Variants in TRPM4 observed in about 807,000 individuals in gnomAD.
The protein encoded by TRPM4 is calcium-activated non-selective cation channel 1.
In TRPM4, 124 loss-of-function variants were observed where a neutral mutation model predicts 135.6. That is an observed-to-expected ratio of 0.91 (90% CI 0.79 to 1.06). The LOEUF is 1.06. Ranked by LOEUF, TRPM4 falls within the 50% of genes least tolerant of loss-of-function variation. The pLI, the probability that TRPM4 is intolerant of heterozygous loss-of-function variation, is 0.00. For missense variants in TRPM4, 1,658 were observed against 1,671.4 expected (o/e 0.99, Z 0.14); for synonymous variants, 745 against 705.6 (o/e 1.06, Z -0.88).
intron 2 of TRPM4, among the ~76,000 whole-genome samples, chr19:49,164,683 CTTG>C (rs1967107233): frequency 3.3e-5 from 2 of 60,858 alleles, no homozygotes; most frequent in African/African-American, 1.3e-4. Flanking sequence ...CGCCCGGCCT[CTTG>C]CTTGCTTGCT....
chr19:49,158,600 AT>A, intron 2 of TRPM4: 1 of 279,298 alleles, frequency 3.6e-6, no homozygotes, highest in Admixed American at 4.9e-5. Context: ...TCATTCATTC[AT>A]TCATTCATTC....
Position 49,168,256 on chromosome 19 carries a change from G to A in TRPM4, c.449-4G>A, listed in dbSNP as rs752260449. 1.2e-6 allele frequency: 2 copies of A among 1,614,126 alleles called. No homozygotes were observed. The highest frequency in any genetic ancestry group is 2.2e-5 in the South Asian group (2 of 91,084). On this transcript the variant is annotated splice_polypyrimidine_tract_variant and splice_region_variant and intron_variant, in intron 4 of 24. Transcript: ENST00000252826. The stretch of plus-strand genomic sequence containing the variant: ...CCTCTGCATGTTCCTCGGCGTCTGT[G>A]TAGGAGCCTGGATTGTCACTGGGGG...
Position 49,211,340 on chromosome 19 carries a change from G to A in TRPM4, c.3640+71G>A. ...TATTTTTGCGTGTTTTTCTCTCTCG[G>A]CACCTTTCCAGTGTCCCTGGGTCAC... is the stretch of plus-strand genomic sequence containing the variant. On this transcript the variant is annotated intron_variant, in intron 24 of 24. Transcript: ENST00000252826. This position sits in a 1 kb window ranked among gnomAD's most constrained non-coding sequence, Gnocchi z 4.8. 1 of 1,575,350 alleles carries A rather than the reference G, an allele frequency of 6.3e-7. No individual in the cohort carries two copies. The highest frequency in any genetic ancestry group is 8.7e-7 in the Non-Finnish European group (1 of 1,152,022).
intron 12 of TRPM4, among the ~76,000 whole-genome samples, chr19:49,184,572 T>C (rs1968126556): frequency 6.8e-6 from 1 of 147,896 alleles, no homozygotes; most frequent in South Asian, 2.2e-4. Flanking sequence ...GCCATTCTCC[T>C]GCCTCCACGC....
In TRPM4 at chr19:49,196,738, G is replaced by A. The variant is rs867831248; in HGVS notation, c.2509G>A (p.Gly837Arg). 1.3e-6 allele frequency: 2 copies of A among 1,550,842 alleles called. No homozygotes were observed. Among genetic ancestry groups the A allele is most frequent in the Non-Finnish European group, 1.7e-6 (2 of 1,154,666 alleles). ...EELRQGLSGG[G>R]GSLASGGPGP... ...ACTGCGCCAGGGCCTGAGCGGAGGC[G>A]GGGGCAGCCTCGCCAGCGGGGGCCC... The change falls in exon 17 of 25, where the codon GGG becomes AGG. Residue 837 changes from glycine to arginine, a missense_variant. Physicochemically the swap from Gly to Arg is moderately radical, Grantham distance 125. Transcript: ENST00000252826.
chr19:49,182,125 C>CATCCATCCATCCATCT (rs879711809), intron 10 of TRPM4, among the ~76,000 whole-genome samples: 4 of 135,840 alleles, frequency 2.9e-5, no homozygotes, highest in Non-Finnish European at 3.2e-5. Context: ...TCCATCCATC[C>CATCCATCCATCCATCT]ATCTGTCCAT....
In TRPM4 at chr19:49,203,381, G is replaced by A. The variant is rs373814992; in HGVS notation, c.3131+1240G>A. On this transcript the variant is annotated intron_variant, in intron 20 of 24. Coordinates refer to ENST00000252826, the MANE Select transcript of TRPM4 (RefSeq NM_017636.4). ...TTTTTAGTAGAGATGGGGTTTCACC[G>A]TGTTAGCCAGGATGGTTTCGATCTC... is the stretch of plus-strand genomic sequence containing the variant. Among the ~76,000 whole-genome samples the A allele has an allele frequency of 2.9e-3, 439 of 151,744 alleles. 1 individual carries two copies. Among genetic ancestry groups the A allele is most frequent in the Non-Finnish European group, 3.6e-3 (243 of 67,926 alleles).
At position 49,168,375 on chromosome 19, in the gene TRPM4, G is replaced by T. The variant is rs1967314053; in HGVS notation, c.564G>T (p.Val188=). 1.2e-6 allele frequency: 2 copies of T among 1,613,952 alleles called. No individual in the cohort carries two copies. Among genetic ancestry groups the T allele is most frequent in the Non-Finnish European group, 8.5e-7 (1 of 1,180,028 alleles). ...TGGTKVVAMG[V]APWGVVRNRD... ...GCACCAAGGTGGTGGCCATGGGTGT[G>T]GCCCCCTGGGGTGTGGTCCGGAATA... Residue 188 remains valine (V), a synonymous_variant, in exon 5 of 25, where the codon GTG becomes GTT. Transcript: ENST00000252826.
intron 12 of TRPM4, among the ~76,000 whole-genome samples, chr19:49,186,771 G>A (rs1968210836): frequency 6.6e-6 from 1 of 151,988 alleles, no homozygotes; most frequent in Non-Finnish European, 1.5e-5. Context: ...TACTCGGGAG[G>A]CTGAGGCAGG....
intron 20 of TRPM4, among the ~76,000 whole-genome samples, chr19:49,202,396 T>C (rs1435398287): frequency 6.6e-6 from 1 of 151,830 alleles, no homozygotes; most frequent in Non-Finnish European, 1.5e-5. Context: ...AAGGCTAGAG[T>C]GTGGTGATGT....
chr19:49,209,156 GC>G (rs1198990670), intron 20 of TRPM4, among the ~76,000 whole-genome samples: 2 of 152,078 alleles, frequency 1.3e-5, no homozygotes, highest in Non-Finnish European at 2.9e-5. Context: ...TTAATGTGCT[GC>G]TGAATTAGAT....
At chr19:49,165,323 A>C (rs1029675784) in intron 2 of TRPM4, among the ~76,000 whole-genome samples, 1 of 152,154 alleles carries the variant, frequency 6.6e-6, no homozygotes, top group Non-Finnish European at 1.5e-5. Context: ...TTTCTTGTTC[A>C]AAAGAGTAGC....
At chr19:49,176,928 T>C (rs1439752696) in intron 9 of TRPM4, among the ~76,000 whole-genome samples, 2 of 152,054 alleles carry the variant, frequency 1.3e-5, no homozygotes, top group African/African-American at 4.8e-5. Context: ...GCTTCCCCTC[T>C]CTGAGCCCCA....
intron 20 of TRPM4, among the ~76,000 whole-genome samples, chr19:49,203,671 G>A (rs1969037746): frequency 6.6e-6 from 1 of 152,084 alleles, no homozygotes; most frequent in Admixed American, 6.5e-5. Flanking sequence ...CTGTCTCTAT[G>A]GATTTAGTCT....
intron 20 of TRPM4, among the ~76,000 whole-genome samples, chr19:49,204,759 C>T (rs983002996): frequency 1.3e-5 from 2 of 151,134 alleles, no homozygotes; most frequent in African/African-American, 4.9e-5. Flanking sequence ...CGGGGTTTCA[C>T]CATGTTATCC....
In TRPM4 at chr19:49,211,101, G is replaced by T. The variant is rs1303201377; in HGVS notation, c.3534+14G>T. The T allele has an allele frequency of 1.2e-6, 2 of 1,613,782 alleles. No individual in the cohort carries two copies. Among genetic ancestry groups the T allele is most frequent in the Non-Finnish European group, 1.7e-6 (2 of 1,179,886 alleles). On this transcript the variant is annotated intron_variant, in intron 23 of 24. Transcript: ENST00000252826. The surrounding 1 kb of genome is among the most constrained non-coding windows in gnomAD (Gnocchi z 4.8). ...CTGGAGCGGGAGGTGAGGCCTTGGGGCCTGGCTGGGGGACTGTGGCAGGGG... is the reference window on the plus strand; with the variant it reads ...CTGGAGCGGGAGGTGAGGCCTTGGGTCCTGGCTGGGGGACTGTGGCAGGGG...
At chr19:49,199,308 G>T (rs1389584523) in intron 17 of TRPM4, among the ~76,000 whole-genome samples, 1 of 152,062 alleles carries the variant, frequency 6.6e-6, no homozygotes, top group African/African-American at 2.4e-5. Context: ...GCCCAGGCTG[G>T]AGTGCAGTGG....
chr19:49,159,885 T>C (rs1966899458), intron 2 of TRPM4: 1 of 152,232 alleles, frequency 6.6e-6, no homozygotes, highest in African/African-American at 2.4e-5. Flanking sequence ...GTATGGCTTG[T>C]AAATGATGGA....
chr19:49,190,105 G>A, intron 14 of TRPM4, 103 bp from the exon 15 acceptor site: 1 of 937,370 alleles, frequency 1.1e-6, no homozygotes, highest in Non-Finnish European at 1.7e-6. Flanking sequence ...GTGACATTGG[G>A]CACTTGCTCT....
Sources: allele counts gnomAD v4.1 joint callset (sites outside exome capture counted in the v4.1 genomes callset), GRCh38; gene constraint gnomAD v4.1.1; non-coding constraint Gnocchi (gnomAD v3.1); transcripts MANE v1.5; gene names NCBI Gene and HGNC (gene_info 2026-07-23, HGNC 2026-07-21).